Variants in ACAA2 observed in about 807,000 individuals in gnomAD.
The protein encoded by ACAA2 is acetyl-CoA acyltransferase 2.
In ACAA2, 35 loss-of-function variants were observed where a neutral mutation model predicts 44.8. That is an observed-to-expected ratio of 0.78 (90% CI 0.60 to 1.04). The LOEUF is 1.04. ACAA2 is among the 50% of genes least tolerant of loss of function. The pLI is 0.00. For synonymous variants in ACAA2, 142 were observed against 166.5 expected (o/e 0.85, Z 1.13); for missense variants, 468 against 482.6 (o/e 0.97, Z 0.28).
chr18:49,794,506 CA>C, intron 4 of ACAA2, 79 bp from the exon 5 acceptor site: 3 of 1,133,554 alleles, frequency 2.6e-6, no homozygotes, highest in Non-Finnish European at 3.5e-6. Flanking sequence ...TTTAAATAAT[CA>C]ACACTTCCAA....
chr18:49,797,552 G>A lies in ACAA2; in HGVS notation c.226C>T (p.Arg76Cys), dbSNP rs145076043. The A allele has an allele frequency of 1.9e-5, 31 of 1,611,472 alleles. No individual in the cohort carries two copies. The highest frequency in any genetic ancestry group is 6.7e-5 in the Admixed American group (4 of 59,838). The stretch of plus-strand genomic sequence containing the variant: ...GGGGTCTCCTTTGGGATTCCCACAC[G>A]CAAACCAACATGCCTTGCCAAATAT... ...AIYLARHVGL[R>C]VGIPKETPAL... Residue 76 changes from arginine (R) to cysteine (C), a missense_variant, in exon 3 of 10, where the codon CGT becomes TGT. Physicochemically the swap from Arg to Cys is radical, Grantham distance 180. Transcript: ENST00000285093.
At chr18:49,796,154 C>CA (rs2023462686) in intron 3 of ACAA2, among the ~76,000 whole-genome samples, 1 of 151,878 alleles carries the variant, frequency 6.6e-6, no homozygotes, top group African/African-American at 2.4e-5. Context: ...ATTCTTAACA[C>CA]AATATAAATC....
chr18:49,805,780 G>A (rs1424006679), intron 1 of ACAA2, among the ~76,000 whole-genome samples: 3 of 149,708 alleles, frequency 2.0e-5, no homozygotes, highest in Non-Finnish European at 4.4e-5. Flanking sequence ...TTGTAGAGAT[G>A]GGGTCTTGCT....
intron 1 of ACAA2, among the ~76,000 whole-genome samples, chr18:49,806,808 T>C (rs2023614700): frequency 6.6e-6 from 1 of 151,916 alleles, no homozygotes; most frequent in Admixed American, 6.6e-5. Flanking sequence ...AAATCCAAAA[T>C]GGAAATTCCA....
chr18:49,785,365 T>C lies in ACAA2; in HGVS notation c.955-14A>G. The C allele has an allele frequency of 6.2e-7, 1 of 1,611,972 alleles. No homozygotes were observed. The highest frequency in any genetic ancestry group is 8.5e-7 in the Non-Finnish European group (1 of 1,179,110). On this transcript the variant is annotated splice_polypyrimidine_tract_variant and intron_variant, in intron 8 of 9. Transcript: ENST00000285093. Reference sequence around the variant, plus strand: ...AGCTTCATTCACCTTAAAACAAAAATTAGAGCACTAACAAAAATCCTTACT... The same window carrying C: ...AGCTTCATTCACCTTAAAACAAAAACTAGAGCACTAACAAAAATCCTTACT...
At chr18:49,792,698 G>C (rs1017105960) in intron 5 of ACAA2, among the ~76,000 whole-genome samples, 1 of 151,974 alleles carries the variant, frequency 6.6e-6, no homozygotes, top group African/African-American at 2.4e-5. Flanking sequence ...CACCCTCCTT[G>C]ACCTCCCAAA....
chr18:49,785,048 A>C (rs1294401808), intron 9 of ACAA2, 149 bp downstream of exon 9: 6 of 930,566 alleles, frequency 6.4e-6, no homozygotes, highest in Non-Finnish European at 9.5e-6. Context: ...CCAGATGAAA[A>C]GCACTGCCCA....
chr18:49,797,704 T>C (rs2023481180), intron 2 of ACAA2, 110 bp from the exon 3 acceptor site: 5 of 897,718 alleles, frequency 5.6e-6, no homozygotes, highest in Non-Finnish European at 8.2e-6. Flanking sequence ...ATAAACTATA[T>C]GGCTCTAAGG....
intron 1 of ACAA2, among the ~76,000 whole-genome samples, chr18:49,804,369 A>G (rs1464250010): frequency 1.3e-5 from 2 of 152,194 alleles, no homozygotes; most frequent in African/African-American, 4.8e-5. Context: ...CTCAAGTTAC[A>G]GACTTCAAAT....
chr18:49,791,647 T>G lies in ACAA2; in HGVS notation c.754-48A>C, dbSNP rs765216114. The G allele has an allele frequency of 1.2e-5, 19 of 1,594,644 alleles. No homozygotes were observed. The Admixed American group carries it at 3.2e-4, about 27-fold the overall frequency. On this transcript the variant is annotated intron_variant, in intron 6 of 9. Transcript: ENST00000285093. ...TAACTAAAGGCTAAAATAATCCAGTTAATCAAAGTTTGAACTAATGGACTA... is the reference window on the plus strand; with the variant it reads ...TAACTAAAGGCTAAAATAATCCAGTGAATCAAAGTTTGAACTAATGGACTA...
chr18:49,810,808 TCCCGA>T (rs374744736), intron 1 of ACAA2, among the ~76,000 whole-genome samples: 8 of 151,846 alleles, frequency 5.3e-5, no homozygotes, highest in African/African-American at 1.9e-4. Flanking sequence ...CACCACAGCC[TCCCGA>T]GTAGCTGGGA....
intron 1 of ACAA2, among the ~76,000 whole-genome samples, chr18:49,803,391 C>T (rs1004465993): frequency 3.2e-4 from 49 of 152,102 alleles, no homozygotes; most frequent in African/African-American, 1.1e-3. Flanking sequence ...CCCCCAGTCA[C>T]GTTCCCCACA....
At chr18:49,784,953 C>G (rs2023310155) in intron 9 of ACAA2, among the ~76,000 whole-genome samples, 1 of 152,102 alleles carries the variant, frequency 6.6e-6, no homozygotes, top group Non-Finnish European at 1.5e-5. Flanking sequence ...GTGGGGCACA[C>G]AGTGCACAGA....
intron 7 of ACAA2, 114 bp downstream of exon 7, chr18:49,791,356 T>A: frequency 2.1e-6 from 2 of 939,152 alleles, no homozygotes; most frequent in Non-Finnish European, 3.2e-6. Flanking sequence ...TGATTACCAA[T>A]CTTCTTTTCT....
intron 5 of ACAA2, among the ~76,000 whole-genome samples, chr18:49,792,964 T>C (rs1187714594): frequency 6.6e-6 from 1 of 152,228 alleles, no homozygotes; most frequent in Non-Finnish European, 1.5e-5. Context: ...TTAAAAATTA[T>C]ATTTTTTTAA....
intron 3 of ACAA2, among the ~76,000 whole-genome samples, chr18:49,797,265 C>CTTTTTTTT (rs11392686): frequency 1.4e-5 from 2 of 143,798 alleles, no homozygotes; most frequent in Non-Finnish European, 1.5e-5. Context: ...TCATTATTAG[C>CTTTTTTTT]TTTTTTTTTT....
chr18:49,787,924 T>C (rs749896789), intron 7 of ACAA2, among the ~76,000 whole-genome samples: 5 of 152,086 alleles, frequency 3.3e-5, no homozygotes, highest in Non-Finnish European at 5.9e-5. Flanking sequence ...TCAGGCCCAT[T>C]TGGATAAAAG....
intron 2 of ACAA2, among the ~76,000 whole-genome samples, chr18:49,801,785 C>CTTATATATATAT (rs1404981138): frequency 8.9e-6 from 1 of 112,234 alleles, no homozygotes; most frequent in South Asian, 3.2e-4. Context: ...AGAAACTGAT[C>CTTATATATATAT]ATATATATAT....
rs1051573693 is a variant in ACAA2, at chr18:49,782,365, T to A, written c.*1482A>T. The A allele has an allele frequency of 6.6e-6, 1 of 152,092 alleles. No individual in the cohort carries two copies. Among genetic ancestry groups the A allele is most frequent in the Non-Finnish European group, 1.5e-5 (1 of 68,024 alleles). The allele number at this position is 152,092 out of a possible 1,614,324, so 9.4% of individuals were successfully genotyped here. A position where few individuals can be genotyped will look rare whatever the true frequency, so the allele number is the denominator to read the frequency against. On this transcript the variant is annotated 3_prime_UTR_variant, in exon 10 of 10. Transcript: ENST00000285093. ...TGCCTCTCTATGACAGAAAGGGGGATGTATGTGCCACTTCAGCTTTTTAAT... is the reference window on the plus strand; with the variant it reads ...TGCCTCTCTATGACAGAAAGGGGGAAGTATGTGCCACTTCAGCTTTTTAAT...
Sources: allele counts gnomAD v4.1 joint callset (sites outside exome capture counted in the v4.1 genomes callset), GRCh38; gene constraint gnomAD v4.1.1; transcripts MANE v1.5; gene names NCBI Gene and HGNC (gene_info 2026-07-23, HGNC 2026-07-21).